MAST4: variants seen among roughly 807,000 people sequenced by gnomAD.
The protein encoded by MAST4 is microtubule-associated serine/threonine-protein kinase 4.
In MAST4, 89 loss-of-function variants were observed where a neutral mutation model predicts 162.7. That is an observed-to-expected ratio of 0.55 (90% CI 0.46 to 0.65). The LOEUF (loss-of-function observed/expected upper bound fraction) is 0.65. MAST4 is among the 30% of genes least tolerant of loss of function. MAST4 has a pLI of 0.00. For synonymous variants in MAST4, 1,479 were observed against 1,361.1 expected, an observed-to-expected ratio of 1.09 and a Z score of -1.91; for missense variants, 3,153 against 3,374.0, an observed-to-expected ratio of 0.93 and a Z score of 1.62.
At chr5:66,735,219 A>C (rs979233454) in intron 1 of MAST4, among the ~76,000 whole-genome samples, 1 of 152,198 alleles carries the variant, frequency 6.6e-6, no homozygotes, top group East Asian at 1.9e-4. Flanking sequence ...TCAGCTTGCT[A>C]TCTTGGAACT....
chr5:66,969,557 C>T (rs1747173132), intron 4 of MAST4, among the ~76,000 whole-genome samples: 1 of 152,160 alleles, frequency 6.6e-6, no homozygotes, highest in Non-Finnish European at 1.5e-5. Flanking sequence ...GGAGGGCATC[C>T]AGCGTAATTC....
At chr5:67,069,312 A>AT (rs1561606003) in intron 5 of MAST4, among the ~76,000 whole-genome samples, 6,842 of 131,110 alleles carry the variant, frequency 0.052, 283 homozygotes, top group Non-Finnish European at 0.073. Context: ...ATATATATAT[A>AT]AAATTTTAAA....
At chr5:66,950,266 T>C (rs554187261) in intron 4 of MAST4, among the ~76,000 whole-genome samples, 2 of 151,882 alleles carry the variant, frequency 1.3e-5, no homozygotes, top group Non-Finnish European at 2.9e-5. Flanking sequence ...TTGTGGGGAA[T>C]ATACCTAACA....
In MAST4 at chr5:66,893,418, G is replaced by A. The variant is rs558385916; in HGVS notation, c.643-6533G>A. Among the ~76,000 whole-genome samples, 11 of 151,608 alleles carry A rather than the reference G, an allele frequency of 7.3e-5. No homozygotes were observed. In the South Asian group the frequency reaches 1.5e-3, roughly 20 times the overall value. On this transcript the variant is annotated intron_variant, in intron 3 of 28. Coordinates refer to ENST00000403625, the MANE Select transcript of MAST4 (RefSeq NM_001164664.2). ...TGTGTGTCTTTTTTTTGGTAGAGACGGGTTTCACCGTTTTGGCCAGGCTGG... is the reference window on the plus strand; with the variant it reads ...TGTGTGTCTTTTTTTTGGTAGAGACAGGTTTCACCGTTTTGGCCAGGCTGG...
chr5:66,957,622 A>G (rs1745478041), intron 4 of MAST4, among the ~76,000 whole-genome samples: 1 of 151,974 alleles, frequency 6.6e-6, no homozygotes, highest in Non-Finnish European at 1.5e-5. Context: ...ACTGAGAGAT[A>G]AGCTGGTACC....
In MAST4 at chr5:66,872,286, C is replaced by T. The variant is rs567905919; in HGVS notation, c.643-27665C>T. 5.2e-4 allele frequency among the ~76,000 whole-genome samples: 79 copies of T among 152,280 alleles called. 1 individual carries two copies. Among genetic ancestry groups the T allele is most frequent in the Admixed American group, 3.2e-3 (49 of 15,298 alleles). On this transcript the variant is annotated intron_variant, in intron 3 of 28. Transcript: ENST00000403625. ...CTGGGTTCAAGTGATTCTCCTGTCT[C>T]AGCCTCCCAAGTAGCTGGGACTACA...
intron 4 of MAST4, chr5:67,005,033 AACTTT>A (rs1470462631): frequency 3.9e-6 from 3 of 775,080 alleles, no homozygotes; most frequent in East Asian, 4.9e-5. Context: ...TGTGCTCTCA[AACTTT>A]ACTTTGCCTC....
intron 1 of MAST4, among the ~76,000 whole-genome samples, chr5:66,740,259 T>C (rs191199796): frequency 3.3e-5 from 5 of 150,892 alleles, no homozygotes; most frequent in African/African-American, 9.9e-5. Flanking sequence ...GAGAACATGT[T>C]GTGAGGCAGG....
At chr5:66,845,848 CA>C (rs1394274082) in intron 3 of MAST4, among the ~76,000 whole-genome samples, 2 of 152,074 alleles carry the variant, frequency 1.3e-5, no homozygotes, top group African/African-American at 2.4e-5. Flanking sequence ...AATAAATAGA[CA>C]TTTATTTATT....
At chr5:66,692,720 G>T (rs1218553297) in intron 1 of MAST4, among the ~76,000 whole-genome samples, 2 of 152,028 alleles carry the variant, frequency 1.3e-5, no homozygotes, top group African/African-American at 4.8e-5. Flanking sequence ...TCATCCCATT[G>T]TGAGGGCTCT....
chr5:66,868,383 G>A (rs1760680166), intron 3 of MAST4, among the ~76,000 whole-genome samples: 1 of 151,346 alleles, frequency 6.6e-6, no homozygotes, highest in Non-Finnish European at 1.5e-5. Context: ...AAGTCTCAGT[G>A]TCACCAAACT....
chr5:66,917,936 T>C (rs1175983857), intron 4 of MAST4, among the ~76,000 whole-genome samples: 1 of 152,158 alleles, frequency 6.6e-6, no homozygotes, highest in African/African-American at 2.4e-5. Context: ...GTAAATGCTT[T>C]TAAAATGAAA....
intron 3 of MAST4, among the ~76,000 whole-genome samples, chr5:66,848,282 T>C (rs1580639624): frequency 6.6e-6 from 1 of 152,288 alleles, no homozygotes; most frequent in East Asian, 1.9e-4. Context: ...ACATGCTTTA[T>C]ATGTAAATAA....
intron 18 of MAST4, among the ~76,000 whole-genome samples, chr5:67,135,870 T>G (rs1172990393): frequency 6.6e-6 from 1 of 152,244 alleles, no homozygotes; most frequent in South Asian, 2.1e-4. Flanking sequence ...ATGTTTTTAT[T>G]GCATTTCCGT....
intron 4 of MAST4, among the ~76,000 whole-genome samples, chr5:66,938,698 G>T (rs1001988918): frequency 1.3e-5 from 2 of 152,214 alleles, no homozygotes; most frequent in African/African-American, 4.8e-5. Context: ...ATGAGGAAGA[G>T]TAACACCCTC....
chr5:67,032,739 A>G (rs1296149147), intron 4 of MAST4, among the ~76,000 whole-genome samples: 1 of 152,148 alleles, frequency 6.6e-6, no homozygotes, highest in Admixed American at 6.6e-5. Context: ...ACTTTTAGGT[A>G]AATGATGAGA....
At chr5:66,759,594 G>T in intron 1 of MAST4, 115 bp from the exon 2 acceptor site, 1 of 1,311,120 alleles carries the variant, frequency 7.6e-7, no homozygotes. Context: ...ACACAGTGTT[G>T]GGAGAATGGA....
chr5:66,788,601 C>CCCCCCCCAATCAAAAAAAAAAAAAA, intron 2 of MAST4, 69 bp from the exon 3 acceptor site: 1 of 1,179,562 alleles, frequency 8.5e-7, no homozygotes, highest in South Asian at 1.2e-5. Flanking sequence ...ACCCCACCCC[C>CCCCCCCCAATCAAAAAAAAAAAAAA]ACCCCCATTG....
intron 21 of MAST4, 21 bp downstream of exon 21, chr5:67,142,554 A>T (rs771305893): frequency 6.9e-7 from 1 of 1,439,750 alleles, no homozygotes; most frequent in South Asian, 1.2e-5. Context: ...TGTGGCATAA[A>T]CATACAGAGT....
Sources: gnomAD v4.1 joint callset for allele counts (sites outside exome capture counted in the v4.1 genomes callset) on GRCh38, gnomAD v4.1.1 for gene constraint, MANE v1.5 for transcripts, NCBI Gene and HGNC (gene_info 2026-07-23, HGNC 2026-07-21) for gene names.